The following ZFHX2 variants were observed in gnomAD, a reference collection of about 807,000 sequenced individuals.
ZFHX2 encodes the protein zinc finger homeobox protein 2.
Under a neutral mutation model 164.8 loss-of-function variants are expected in ZFHX2, and 75 were observed. The observed-to-expected ratio is 0.46, with a 90% CI of 0.38 to 0.55. The LOEUF is 0.55. ZFHX2 is among the 20% of genes least tolerant of loss of function. The pLI is 0.00. For missense variants in ZFHX2, 2,933 were observed against 3,308.0 expected, an observed-to-expected ratio of 0.89 and a Z score of 2.78; for synonymous variants, 1,217 against 1,351.4, an observed-to-expected ratio of 0.90 and a Z score of 2.18.
Position 23,530,121 on chromosome 14 carries a change from C to T in ZFHX2, c.2874G>A (p.Leu958=), listed in dbSNP as rs761841064. ...GGGGGGAAGGGAGGGAAAACTCACC[C>T]AATTGTTCTGTCTTGTTCTGGGCAT... is the stretch of plus-strand genomic sequence containing the variant. ...EKDAQNKTEQ[L]ASEETENKTG... The change falls in exon 5 of 10, where the codon TTG becomes TTA. Residue 958 remains leucine (L), a splice_region_variant and synonymous_variant. Coordinates refer to ENST00000419474, the MANE Select transcript of ZFHX2 (RefSeq NM_033400.3). 1.6e-5 allele frequency: 25 copies of T among 1,535,848 alleles called. No individual in the cohort carries two copies. Among genetic ancestry groups the T allele is most frequent in the Non-Finnish European group, 2.1e-5 (24 of 1,146,820 alleles).
chr14:23,532,453 C>A (rs41307102), intron 3 of ZFHX2, 114 bp downstream of exon 3: 5 of 1,298,454 alleles, frequency 3.9e-6, no homozygotes, highest in Non-Finnish European at 5.0e-6. Flanking sequence ...TGCATACTTT[C>A]CTTTTTCTCC....
Position 23,530,105 on chromosome 14 carries a change from G to A in ZFHX2, c.2875+15C>T. On this transcript the variant is annotated intron_variant, in intron 5 of 9. Coordinates refer to ENST00000419474, the MANE Select transcript of ZFHX2 (RefSeq NM_033400.3). ...AGAAGGTAGGAGGACTGGGGGGAAG[G>A]GAGGGAAAACTCACCCAATTGTTCT... 1.3e-6 allele frequency: 2 copies of A among 1,535,198 alleles called. No homozygotes were observed. The highest frequency in any genetic ancestry group is 2.7e-5 in the African/African-American group (2 of 73,096).
rs917041788 is a variant in ZFHX2 at position 23,520,879 on chromosome 14, T to C, written c.*1083A>G. On this transcript the variant is annotated 3_prime_UTR_variant, in exon 10 of 10. Transcript: ENST00000419474. This position sits in a 1 kb window ranked among gnomAD's most constrained non-coding sequence, Gnocchi z 8.7. Reference sequence around the variant, plus strand: ...GTCTGATGGGAGTTTTCTTCCTTTTTTTTTTTTTCTGTATTTTCCAAGTTT... The same window carrying C: ...GTCTGATGGGAGTTTTCTTCCTTTTCTTTTTTTTCTGTATTTTCCAAGTTT... 1.3e-5 allele frequency: 2 copies of C among 151,992 alleles called. No individual in the cohort carries two copies. The highest frequency in any genetic ancestry group is 1.5e-5 in the Non-Finnish European group (1 of 68,018). 9.4% of individuals were successfully genotyped at this position (151,992 alleles called of 1,614,324 possible). A position where few individuals can be genotyped will look rare whatever the true frequency, so the allele number is the denominator to read the frequency against.
Position 23,534,770 on chromosome 14 carries a change from G to T in ZFHX2, c.556C>A (p.Gln186Lys). The change falls in exon 2 of 10, where the codon CAA becomes AAA. Residue 186 changes from glutamine to lysine, a missense_variant. Gln to Lys is a moderately conservative substitution (Grantham distance 53). Coordinates refer to ENST00000419474, the MANE Select transcript of ZFHX2 (RefSeq NM_033400.3). The surrounding 1 kb of genome is among the most constrained non-coding windows in gnomAD (Gnocchi z 4.5). ...GCTGAGGTATCATGGGACAGAATTT[G>T]GTCAGAAGAGCTAAAGCCTTGGATT... ...DPIQGFSSSD[Q>K]ILSHDTSAPS... The T allele has an allele frequency of 6.5e-7, 1 of 1,536,192 alleles. No homozygotes were observed. The highest frequency in any genetic ancestry group is 8.7e-7 in the Non-Finnish European group (1 of 1,146,906).
Position 23,521,604 on chromosome 14 carries a change from G to C in ZFHX2, c.*358C>G, listed in dbSNP as rs1878001617. The C allele has an allele frequency of 1.3e-5, 3 of 225,372 alleles. No homozygotes were observed. In the South Asian group the frequency reaches 2.9e-4, roughly 22 times the overall value. The allele number at this position is 225,372 out of a possible 1,614,324, so 14.0% of individuals were successfully genotyped here. A position where few individuals can be genotyped will look rare whatever the true frequency, so the allele number is the denominator to read the frequency against. ...TATGCATTTATGGGGATGGGGAGCT[G>C]GGAATTCAGTGAGGAAAAGGAAGAT... On this transcript the variant is annotated 3_prime_UTR_variant, in exon 10 of 10. Transcript: ENST00000419474.
Position 23,533,573 on chromosome 14 carries a change from G to A in ZFHX2, c.1753C>T (p.Arg585Cys), listed in dbSNP as rs545363197. 32 of 1,536,556 alleles carry A rather than the reference G, an allele frequency of 2.1e-5. No homozygotes were observed. The highest frequency in any genetic ancestry group is 7.3e-5 in the East Asian group (3 of 40,922). The change falls in exon 2 of 10, where the codon CGC (arginine) becomes TGC (cysteine). Residue 585 changes from arginine (R) to cysteine (C), a missense_variant. Arg to Cys is a radical substitution (Grantham distance 180). Coordinates refer to ENST00000419474, the MANE Select transcript of ZFHX2 (RefSeq NM_033400.3). The surrounding 1 kb of genome is among the most constrained non-coding windows in gnomAD (Gnocchi z 4.8). Reference sequence around the variant, plus strand: ...TGCTTCTCAGAGGTCATATGGATGCGCAGGTTACGGGAGATGTTTGTCTCG... The same window carrying A: ...TGCTTCTCAGAGGTCATATGGATGCACAGGTTACGGGAGATGTTTGTCTCG... ...SYETNISRNL[R>C]IHMTSEKHMQ... is the part of the protein sequence containing the mutation.
upstream of ZFHX2, among the ~76,000 whole-genome samples, chr14:23,553,893 C>G (rs1029548311): frequency 5.3e-5 from 8 of 149,596 alleles, no homozygotes; most frequent in Admixed American, 4.0e-4. Flanking sequence ...GACTCCGTCT[C>G]AAACAAACAA....
upstream of ZFHX2, among the ~76,000 whole-genome samples, chr14:23,552,595 G>A (rs949025179): frequency 1.1e-4 from 17 of 150,324 alleles, no homozygotes; most frequent in Admixed American, 9.3e-4. Flanking sequence ...CGCCCAGCCC[G>A]TTTTTTTGTT....
At chr14:23,542,360 G>A (rs1197765994) in intron 1 of ZFHX2, 2 of 152,302 alleles carry the variant, frequency 1.3e-5, no homozygotes, top group African/African-American at 4.8e-5. Context: ...GCGGTAGGCT[G>A]AAACCACACA....
In ZFHX2 at chr14:23,526,321, C is replaced by G; in HGVS notation, c.3621G>C (p.Leu1207Phe). 1 of 1,536,242 alleles carries G rather than the reference C, an allele frequency of 6.5e-7. No homozygotes were observed. ...KESFTQKNIL[L>F]VHYNSVSHLH... The stretch of plus-strand genomic sequence containing the variant: ...GGTGGGAGACAGAATTATAATGAAC[C>G]AACAGAATATTCTTCTGGGTGAAGG... Residue 1207 changes from leucine to phenylalanine, a missense_variant, in exon 9 of 10, where the codon TTG becomes TTC. Leu to Phe is a conservative substitution (Grantham distance 22). Transcript: ENST00000419474.
At chr14:23,530,020 G>A (rs1234894716) in intron 5 of ZFHX2, 100 bp downstream of exon 5, 5 of 1,227,234 alleles carry the variant, frequency 4.1e-6, no homozygotes, top group South Asian at 2.6e-5. Flanking sequence ...AATCAGTTTT[G>A]CTCCTTGAGC....
rs1469430957 is a variant in ZFHX2, at chr14:23,522,161, C to T, written c.7520G>A (p.Arg2507His). The T allele has an allele frequency of 2.1e-5, 31 of 1,506,932 alleles. No homozygotes were observed. The highest frequency in any genetic ancestry group is 2.6e-5 in the Non-Finnish European group (30 of 1,132,418). The allele number at this position is 1,506,932 out of a possible 1,614,324, so 93.3% of individuals were successfully genotyped here. A position where few individuals can be genotyped will look rare whatever the true frequency, so the allele number is the denominator to read the frequency against. The change falls in exon 10 of 10, where the codon CGT becomes CAT. Residue 2507 changes from arginine to histidine, a missense_variant. Physicochemically the swap from Arg to His is conservative, Grantham distance 29 (BLOSUM62 0). Transcript: ENST00000419474. The part of the protein sequence containing the change: ...CLACEVLLSG[R>H]EALASHLRSS... ...GCGCAGGTGGGAGGCTAGGGCTTCACGCCCACTCAGCAGCACCTCACATGC... is the reference window on the plus strand; with the variant it reads ...GCGCAGGTGGGAGGCTAGGGCTTCATGCCCACTCAGCAGCACCTCACATGC...
In ZFHX2 at chr14:23,522,094, G is replaced by A. The variant is rs771254384; in HGVS notation, c.7587C>T (p.Gly2529=). ...HRRKAAPPQG[G]PPISITNAAT... ...CGGCGTTGGTGATGGAGATGGGTGG[G>A]CCCCCTTGAGGTGGGGCTGCCTTGC... Residue 2529 remains glycine (G), a synonymous_variant, in exon 10 of 10, where the codon GGC becomes GGT. Transcript: ENST00000419474. 17 of 1,535,744 alleles carry A rather than the reference G, an allele frequency of 1.1e-5. No homozygotes were observed. The highest frequency in any genetic ancestry group is 3.3e-4 in the Middle Eastern group (2 of 5,988).
chr14:23,543,727 T>G (rs966192304), intron 1 of ZFHX2: 1 of 152,080 alleles, frequency 6.6e-6, no homozygotes, highest in African/African-American at 2.4e-5. Flanking sequence ...GAATGATATG[T>G]GTACCCATTT....
chr14:23,545,818 C>A (rs1881325039), intron 1 of ZFHX2, among the ~76,000 whole-genome samples: 1 of 152,160 alleles, frequency 6.6e-6, no homozygotes, highest in Non-Finnish European at 1.5e-5. Flanking sequence ...ATAAAGAAGA[C>A]AGAGGCTTGA....
At chr14:23,528,724 A>G in intron 6 of ZFHX2, 1 of 985,344 alleles carries the variant, frequency 1.0e-6, no homozygotes, top group Non-Finnish European at 1.2e-6. Flanking sequence ...CCTAATGTGA[A>G]TAAACACCAC....
rs1205929464 is a variant in ZFHX2 at position 23,527,618 on chromosome 14, T to G, written c.3121A>C (p.Lys1041Gln). Reference protein sequence around the residue: ...LHNVVPECVEKLLLVATTVEM... With the variant: ...LHNVVPECVEQLLLVATTVEM... ...CCTGTACTCACTACAAGCAGCAGCTTCTCAACGCACTCGGGCACCACGTTG... is the reference window on the plus strand; with the variant it reads ...CCTGTACTCACTACAAGCAGCAGCTGCTCAACGCACTCGGGCACCACGTTG... The change falls in exon 7 of 10, where the codon AAG becomes CAG. Residue 1041 changes from lysine to glutamine, a missense_variant. Transcript: ENST00000419474. 6.5e-7 allele frequency: 1 copy of G among 1,536,508 alleles called. No individual in the cohort carries two copies. Among genetic ancestry groups the G allele is most frequent in the African/African-American group, 1.4e-5 (1 of 73,024 alleles).
In ZFHX2 at chr14:23,524,493, G is replaced by C. The variant is rs956670277; in HGVS notation, c.5449C>G (p.Pro1817Ala). The C allele has an allele frequency of 3.3e-6, 5 of 1,529,128 alleles. No individual in the cohort carries two copies. Among genetic ancestry groups the C allele is most frequent in the Middle Eastern group, 3.4e-4 (2 of 5,962 alleles). The allele number at this position is 1,529,128 out of a possible 1,614,324, so 94.7% of individuals were successfully genotyped here. A position where few individuals can be genotyped will look rare whatever the true frequency, so the allele number is the denominator to read the frequency against. The part of the protein sequence containing the change: ...LPLLVFGERN[P>A]LVAATSPMPG... Reference sequence around the variant, plus strand: ...ATTGGTGAGGTGGCTGCCACCAGGGGGTTTCTCTCCCCAAACACCAGCAAG... The same window carrying C: ...ATTGGTGAGGTGGCTGCCACCAGGGCGTTTCTCTCCCCAAACACCAGCAAG... The change falls in exon 9 of 10, where the codon CCC becomes GCC. Residue 1817 changes from proline (P) to alanine (A), a missense_variant. Physicochemically the swap from Pro to Ala is conservative, Grantham distance 27. Transcript: ENST00000419474. The surrounding 1 kb of genome is among the most constrained non-coding windows in gnomAD (Gnocchi z 5.6).
At chr14:23,541,914 C>T (rs1880862119) in intron 1 of ZFHX2, among the ~76,000 whole-genome samples, 1 of 152,194 alleles carries the variant, frequency 6.6e-6, no homozygotes, top group South Asian at 2.1e-4. Context: ...CTTCTAGACC[C>T]TTCCCCTTTT....
Sources: gnomAD v4.1 joint callset for allele counts (sites outside exome capture counted in the v4.1 genomes callset) on GRCh38, gnomAD v4.1.1 for gene constraint, Gnocchi (gnomAD v3.1) non-coding constraint, MANE v1.5 for transcripts, NCBI Gene and HGNC (gene_info 2026-07-23, HGNC 2026-07-21) for gene names.